The following IL1RAPL1 variants were observed in gnomAD, a reference collection of about 807,000 sequenced individuals.
IL1RAPL1 encodes the protein interleukin-1 receptor accessory protein-like 1.
Under a neutral mutation model 48.4 loss-of-function variants are expected in IL1RAPL1, and 3 were observed. That is an observed-to-expected ratio of 0.06 (90% CI 0.03 to 0.16). The LOEUF is 0.16. Ranked by LOEUF, IL1RAPL1 falls within the 10% of genes least tolerant of loss-of-function variation. The pLI is 1.00. For missense variants in IL1RAPL1, 349 were observed against 530.6 expected (o/e 0.66, Z 3.36); for synonymous variants, 185 against 187.7 (o/e 0.99, Z 0.12).
intron 2 of IL1RAPL1, among the ~76,000 whole-genome samples, chrX:29,259,580 A>G (rs1569271723): frequency 9.0e-6 from 1 of 111,407 alleles, no homozygotes; most frequent in Non-Finnish European, 1.9e-5. Context: ...AAAAAAACAT[A>G]TAAGATTAAT....
intron 1 of IL1RAPL1, among the ~76,000 whole-genome samples, chrX:28,607,529 A>G (rs1454602270): frequency 9.0e-6 from 1 of 111,491 alleles, no homozygotes; most frequent in African/African-American, 3.3e-5. Context: ...AACCACCAGA[A>G]AAAAAGGTGA....
intron 9 of IL1RAPL1, among the ~76,000 whole-genome samples, chrX:29,950,815 T>C (rs565421063): frequency 1.7e-3 from 184 of 109,920 alleles, no homozygotes; most frequent in South Asian, 9.6e-3. Flanking sequence ...TAGCTGGGAC[T>C]ACAGGCGCCC....
In IL1RAPL1 at chrX:28,665,143, C is replaced by T. The variant is rs1934862217; in HGVS notation, c.-25+77096C>T. On this transcript the variant is annotated intron_variant, in intron 1 of 10. Coordinates refer to ENST00000378993, the MANE Select transcript of IL1RAPL1 (RefSeq NM_014271.4). ...ACTGCACAAGTGTATACTACAAATG[C>T]AGTCTTGCGGCTGGACATCTCTGAC... Among the ~76,000 whole-genome samples the T allele has an allele frequency of 2.7e-5, 3 of 111,313 alleles. No homozygotes were observed. In the South Asian group the frequency reaches 1.1e-3, roughly 42 times the overall value.
chrX:29,167,263 A>G (rs1379156880), intron 2 of IL1RAPL1, among the ~76,000 whole-genome samples: 1 of 110,216 alleles, frequency 9.1e-6, no homozygotes. Context: ...TGATAAATGT[A>G]GAGAGAGAAT....
At chrX:29,214,584 A>G (rs1178491873) in intron 2 of IL1RAPL1, among the ~76,000 whole-genome samples, 1 of 111,850 alleles carries the variant, frequency 8.9e-6, no homozygotes, top group Non-Finnish European at 1.9e-5. Context: ...TACTCAAAAA[A>G]TCTTTTATTA....
chrX:28,622,908 G>A (rs1172291742), intron 1 of IL1RAPL1, among the ~76,000 whole-genome samples: 4 of 111,624 alleles, frequency 3.6e-5, no homozygotes, highest in Non-Finnish European at 7.5e-5. Flanking sequence ...AATATCTGCT[G>A]TGTAGTGGGT....
At chrX:29,882,860 A>G (rs2147215610) in intron 6 of IL1RAPL1, among the ~76,000 whole-genome samples, 1 of 112,184 alleles carries the variant, frequency 8.9e-6, no homozygotes, top group South Asian at 3.7e-4. Flanking sequence ...TTCTCCAGAA[A>G]CTAAAATTAC....
intron 5 of IL1RAPL1, among the ~76,000 whole-genome samples, chrX:29,562,070 ATCTATCTATCTAATCTATCTG>A (rs1171770435): frequency 5.4e-4 from 55 of 100,981 alleles, no homozygotes; most frequent in African/African-American, 2.2e-3. Context: ...CTATCTATCT[ATCTATCTATCTAATCTATCTG>A]TCTATCTATC....
chrX:29,621,661 C>A (rs757538542), intron 5 of IL1RAPL1, among the ~76,000 whole-genome samples: 22 of 111,303 alleles, frequency 2.0e-4, no homozygotes, highest in Admixed American at 3.8e-4. Context: ...AATAGATGTA[C>A]ATTTTTAAGG....
At chrX:29,904,859 A>G (rs1932576114) in intron 6 of IL1RAPL1, among the ~76,000 whole-genome samples, 1 of 112,058 alleles carries the variant, frequency 8.9e-6, no homozygotes, top group Non-Finnish European at 1.9e-5. Flanking sequence ...TTATAGTAGA[A>G]TGATTTATAA....
chrX:29,252,265 T>A (rs1464535195), intron 2 of IL1RAPL1, among the ~76,000 whole-genome samples: 8 of 74,618 alleles, frequency 1.1e-4, no homozygotes, highest in Non-Finnish European at 8.3e-5. Context: ...TAAAGTACAA[T>A]AATAGTAAAA....
intron 5 of IL1RAPL1, among the ~76,000 whole-genome samples, chrX:29,587,953 G>C (rs969514712): frequency 1.8e-5 from 2 of 111,984 alleles, no homozygotes; most frequent in Non-Finnish European, 3.8e-5. Context: ...ATTTTGTTTT[G>C]TTTTATCCAC....
At chrX:28,689,903 A>C (rs1935157022) in intron 1 of IL1RAPL1, among the ~76,000 whole-genome samples, 1 of 111,811 alleles carries the variant, frequency 8.9e-6, no homozygotes, top group Non-Finnish European at 1.9e-5. Context: ...TCTGTCAAAA[A>C]ATGCCATGTT....
intron 6 of IL1RAPL1, among the ~76,000 whole-genome samples, chrX:29,855,832 A>G (rs1284035524): frequency 9.0e-6 from 1 of 110,939 alleles, no homozygotes; most frequent in Non-Finnish European, 1.9e-5. Flanking sequence ...TAAAGCAAGC[A>G]GGACAATGTC....
intron 2 of IL1RAPL1, among the ~76,000 whole-genome samples, chrX:28,968,551 A>T: frequency 8.9e-6 from 1 of 112,490 alleles, no homozygotes; most frequent in Admixed American, 9.5e-5. Context: ...ATTAGAAAAT[A>T]CATTTGTAAG....
chrX:28,672,450 G>A (rs1025133705), intron 1 of IL1RAPL1, among the ~76,000 whole-genome samples: 2 of 111,431 alleles, frequency 1.8e-5, no homozygotes, highest in Non-Finnish European at 3.8e-5. Context: ...TGATGCATGC[G>A]GAGGCTTGGG....
chrX:29,752,103 T>TATATACACAC (rs1383320614), intron 6 of IL1RAPL1, among the ~76,000 whole-genome samples: 13 of 96,378 alleles, frequency 1.3e-4, no homozygotes, highest in African/African-American at 4.7e-4. Flanking sequence ...TATATATATA[T>TATATACACAC]ACACACATAT....
At chrX:28,900,300 T>A (rs1923040394) in intron 2 of IL1RAPL1, among the ~76,000 whole-genome samples, 1 of 112,295 alleles carries the variant, frequency 8.9e-6, no homozygotes, top group East Asian at 2.8e-4. Context: ...CAGAAAAGAT[T>A]TTCTGTGATT....
chrX:28,742,231 T>C (rs1935917042), intron 1 of IL1RAPL1, among the ~76,000 whole-genome samples: 1 of 110,894 alleles, frequency 9.0e-6, no homozygotes, highest in South Asian at 3.8e-4. Flanking sequence ...AAAATACCAG[T>C]AAAGGGCACT....
Sources: allele counts gnomAD v4.1 joint callset (sites outside exome capture counted in the v4.1 genomes callset), GRCh38; gene constraint gnomAD v4.1.1; transcripts MANE v1.5; gene names NCBI Gene and HGNC (gene_info 2026-07-23, HGNC 2026-07-21).